ABCC3: variants seen among roughly 807,000 people sequenced by gnomAD.
ABCC3 encodes the protein ATP-binding cassette sub-family C member 3.
ABCC3 carries 121 observed loss-of-function variants against 165.3 expected under a neutral mutation model. That is an observed-to-expected ratio of 0.73 (90% CI 0.63 to 0.85). The LOEUF (loss-of-function observed/expected upper bound fraction) is 0.85, where lower values mean the gene tolerates loss of function less well. Ranked by LOEUF, ABCC3 falls within the 40% of genes least tolerant of loss-of-function variation. ABCC3 has a pLI of 0.00. For missense variants in ABCC3, 1,869 were observed against 1,964.1 expected (o/e 0.95, Z 0.92); for synonymous variants, 733 against 810.1 (o/e 0.90, Z 1.62).
At chr17:50,669,614 A>C in intron 17 of ABCC3, 86 bp downstream of exon 17, 1 of 1,416,792 alleles carries the variant, frequency 7.1e-7, no homozygotes, top group African/African-American at 1.4e-5. Flanking sequence ...TCATCCCTTC[A>C]TTCACACATT....
intron 1 of ABCC3, among the ~76,000 whole-genome samples, chr17:50,640,920 C>T (rs2054225128): frequency 1.3e-5 from 2 of 152,318 alleles, no homozygotes; most frequent in South Asian, 4.1e-4. Flanking sequence ...ATGGTCTTGT[C>T]TGTTCATCCC....
intron 29 of ABCC3, among the ~76,000 whole-genome samples, 195 bp downstream of exon 29, chr17:50,685,070 G>A (rs573913267): frequency 2.6e-5 from 4 of 152,276 alleles, no homozygotes; most frequent in Non-Finnish European, 4.4e-5. Flanking sequence ...AAGCCCCAGC[G>A]GTGGTCCATG....
In ABCC3 at chr17:50,667,979, G is replaced by C. The variant is rs547889450; in HGVS notation, c.1752G>C (p.Met584Ile). 1.2e-6 allele frequency: 2 copies of C among 1,614,196 alleles called. No individual in the cohort carries two copies. Among genetic ancestry groups the C allele is most frequent in the East Asian group, 2.2e-5 (1 of 44,884 alleles). The change falls in exon 13 of 31, where the codon ATG becomes ATC. Residue 584 changes from methionine to isoleucine, a missense_variant. By Grantham distance (10) the Met-to-Ile change is conservative (BLOSUM62 1). Transcript: ENST00000285238. ...LFNILRLPLN[M>I]LPQLISNLTQ... ...ATATCTTAAGACTTCCCCTCAACATGCTGCCCCAGTTAATCAGCAACCTGA... is the reference window on the plus strand; with the variant it reads ...ATATCTTAAGACTTCCCCTCAACATCCTGCCCCAGTTAATCAGCAACCTGA...
At position 50,678,147 on chromosome 17, in the gene ABCC3, A is replaced by G. The variant is rs1310327439; in HGVS notation, c.3633A>G (p.Ala1211=). ...GGAACTGCGTGGTGCTCTTTGCTGCACTATTTGCCGTCATCGGGAGGAGCA... is the reference window on the plus strand; with the variant it reads ...GGAACTGCGTGGTGCTCTTTGCTGCGCTATTTGCCGTCATCGGGAGGAGCA... ...FVGNCVVLFA[A]LFAVIGRSSL... is the part of the protein sequence containing the mutation. Residue 1211 remains alanine, a synonymous_variant, in exon 25 of 31, where the codon GCA becomes GCG. Transcript: ENST00000285238. 2 of 1,565,728 alleles carry G rather than the reference A, an allele frequency of 1.3e-6. No individual in the cohort carries two copies. Among genetic ancestry groups the G allele is most frequent in the South Asian group, 1.2e-5 (1 of 81,730 alleles).
Position 50,691,251 on chromosome 17 carries a change from G to A in ABCC3, c.*51G>A, listed in dbSNP as rs1968118446. On this transcript the variant is annotated 3_prime_UTR_variant, in exon 31 of 31. Transcript: ENST00000285238. ...GCCTTTCCTGGTTTTCATCAGGAAG[G>A]AAATGACACCAAATATGTCCGCAGA... The A allele has an allele frequency of 3.5e-6, 5 of 1,412,606 alleles. No individual in the cohort carries two copies. Among genetic ancestry groups the A allele is most frequent in the Non-Finnish European group, 5.0e-6 (5 of 999,460 alleles). 87.5% of individuals were successfully genotyped at this position (1,412,606 alleles called of 1,614,324 possible).
intron 1 of ABCC3, among the ~76,000 whole-genome samples, chr17:50,643,968 G>A (rs1249180713): frequency 2.6e-5 from 4 of 152,100 alleles, no homozygotes; most frequent in East Asian, 1.9e-4. Flanking sequence ...GAGCCATCTC[G>A]CAGGTGGGCA....
chr17:50,676,171 C>T, intron 22 of ABCC3, 81 bp downstream of exon 22: 1 of 1,594,766 alleles, frequency 6.3e-7, no homozygotes, highest in Non-Finnish European at 8.6e-7. Context: ...CGTGCCCTTG[C>T]ATCCAAGCCT....
At chr17:50,656,453 G>T (rs1264007539) in intron 2 of ABCC3, among the ~76,000 whole-genome samples, 1 of 152,210 alleles carries the variant, frequency 6.6e-6, no homozygotes, top group East Asian at 1.9e-4. Flanking sequence ...CCTGCTTGGG[G>T]TCATGGGAAT....
At position 50,676,581 on chromosome 17, in the gene ABCC3, T is replaced by C. The variant is rs1424532321; in HGVS notation, c.3371T>C (p.Leu1124Ser). 2 of 1,607,506 alleles carry C rather than the reference T, an allele frequency of 1.2e-6. No homozygotes were observed. Among genetic ancestry groups the C allele is most frequent in the African/African-American group, 1.3e-5 (1 of 74,744 alleles). Residue 1124 changes from leucine to serine, a missense_variant, in exon 23 of 31, where the codon TTA (leucine) becomes TCA (serine). Leu to Ser is a moderately radical substitution (Grantham distance 145). Transcript: ENST00000285238. ...VILPLAVLYT[L>S]VQRFYAATSR... ...CTGCCCCTGGCTGTGCTCTACACCTTAGTGCAGGTGTGGGGTGGGCGTGAT... is the reference window on the plus strand; with the variant it reads ...CTGCCCCTGGCTGTGCTCTACACCTCAGTGCAGGTGTGGGGTGGGCGTGAT...
chr17:50,671,600 G>A (rs966289001), intron 17 of ABCC3, among the ~76,000 whole-genome samples: 7 of 151,910 alleles, frequency 4.6e-5, no homozygotes, highest in Admixed American at 2.6e-4. Flanking sequence ...ATCTGGAGAG[G>A]GCCTCCTTGT....
rs1968044746 is a variant in ABCC3, at chr17:50,687,562, T to C, written c.4307T>C (p.Leu1436Pro). 1 of 1,613,742 alleles carries C rather than the reference T, an allele frequency of 6.2e-7. No homozygotes were observed. Among genetic ancestry groups the C allele is most frequent in the African/African-American group, 1.3e-5 (1 of 74,946 alleles). The change falls in exon 30 of 31, where the codon CTG (leucine) becomes CCG (proline). Residue 1436 changes from leucine to proline, a missense_variant. Coordinates refer to ENST00000285238, the MANE Select transcript of ABCC3 (RefSeq NM_003786.4). ...GTGGGCCAGAGGCAGCTCGTGTGCC[T>C]GGCCCGAGCCCTGCTCCGCAAGAGC... ...LSVGQRQLVC[L>P]ARALLRKSRI...
chr17:50,660,934 C>G lies in ABCC3; in HGVS notation c.818C>G (p.Ser273Ter), dbSNP rs1181226644. 1 of 1,602,002 alleles carries G rather than the reference C, an allele frequency of 6.2e-7. No homozygotes were observed. Among genetic ancestry groups the G allele is most frequent in the Non-Finnish European group, 8.5e-7 (1 of 1,174,520 alleles). Residue 273 changes from serine (S) to a stop codon, truncating the protein, a stop_gained, in exon 8 of 31, where the codon TCA becomes TGA. Transcript: ENST00000285238. LOFTEE classifies it high-confidence loss of function. ...QEKQTARHKASAAPGKNASGE... is the reference protein window; with the variant it reads ...QEKQTARHKA ...CCTCCCTGGACCAGACACAAGGCTT[C>G]AGCAGCACCTGGGAAAAATGCCTCC... is the stretch of plus-strand genomic sequence containing the variant.
chr17:50,673,812 C>T (rs1464632447), intron 19 of ABCC3, among the ~76,000 whole-genome samples, 154 bp downstream of exon 19: 1 of 151,924 alleles, frequency 6.6e-6, no homozygotes, highest in Non-Finnish European at 1.5e-5. Context: ...GTAAAGTAAA[C>T]TGGACATAGT....
At position 50,667,634 on chromosome 17, in the gene ABCC3, C is replaced by A. The variant is rs139425802; in HGVS notation, c.1512C>A (p.Tyr504Ter). ...ILNGIKVLKL[Y>*]AWEPSFLKQV... ...ACGGCATCAAGGTGCTGAAGCTGTA[C>A]GCCTGGGAGCCCAGCTTCCTGAAGC... The change falls in exon 12 of 31, where the codon TAC becomes TAA. Residue 504 changes from tyrosine to a stop codon, truncating the protein, a stop_gained. Transcript: ENST00000285238. LOFTEE classifies it high-confidence loss of function. The A allele has an allele frequency of 6.2e-7, 1 of 1,614,226 alleles. No homozygotes were observed. The highest frequency in any genetic ancestry group is 8.5e-7 in the Non-Finnish European group (1 of 1,180,042).
At chr17:50,665,357 T>C (rs1967500488) in intron 11 of ABCC3, 112 bp downstream of exon 11, 2 of 872,504 alleles carry the variant, frequency 2.3e-6, no homozygotes, top group Non-Finnish European at 1.8e-6. Context: ...TGAGTATGGA[T>C]GGCTACTAGC....
intron 8 of ABCC3, 70 bp from the exon 9 acceptor site, chr17:50,663,611 A>C (rs1450741828): frequency 1.9e-6 from 3 of 1,553,288 alleles, no homozygotes; most frequent in Non-Finnish European, 2.6e-6. Context: ...GGGTAAAAGC[A>C]AAGGGCAGCA....
rs1377678112 is a variant in ABCC3, at chr17:50,664,296, T to G, written c.1338+185T>G. ...AGTGCGCCACGATTGTGCCTGCGAA[T>G]AGCCACCACACTCCAGCCTGGGCAA... On this transcript the variant is annotated intron_variant, in intron 10 of 30. Coordinates refer to ENST00000285238, the MANE Select transcript of ABCC3 (RefSeq NM_003786.4). The G allele has an allele frequency of 1.2e-5, 8 of 689,664 alleles. No homozygotes were observed. In the African/African-American group the frequency reaches 1.4e-4, roughly 12 times the overall value. 42.7% of individuals were successfully genotyped at this position (689,664 alleles called of 1,614,324 possible).
At chr17:50,673,237 G>T (rs1386988133) in intron 18 of ABCC3, 99 bp downstream of exon 18, 1 of 1,474,182 alleles carries the variant, frequency 6.8e-7, no homozygotes, top group South Asian at 1.2e-5. Context: ...TTGGAGGTGT[G>T]GGGGGCGCAA....
intron 29 of ABCC3, among the ~76,000 whole-genome samples, chr17:50,686,499 A>C (rs1278681777): frequency 6.6e-6 from 1 of 152,076 alleles, no homozygotes; most frequent in Non-Finnish European, 1.5e-5. Flanking sequence ...TATGCATCTT[A>C]AGTGGCTCTC....
Sources: allele counts gnomAD v4.1 joint callset (sites outside exome capture counted in the v4.1 genomes callset), GRCh38; gene constraint gnomAD v4.1.1; transcripts MANE v1.5; gene names NCBI Gene and HGNC (gene_info 2026-07-23, HGNC 2026-07-21).